The following SCUBE3 variants were observed in gnomAD, a reference collection of about 807,000 sequenced individuals.
The protein encoded by SCUBE3 is signal peptide, CUB and EGF-like domain-containing protein 3.
SCUBE3 carries 33 observed loss-of-function variants against 116.8 expected under a neutral mutation model. That is an observed-to-expected ratio of 0.28 (90% CI 0.21 to 0.38). SCUBE3 has a LOEUF of 0.38. Among genes scored for constraint, SCUBE3 ranks in the 10% least tolerant of loss-of-function variants. The probability of loss-of-function intolerance (pLI) is 1.00; values close to 1 mark genes in which losing one functional copy is unlikely to be tolerated. For missense variants in SCUBE3, 1,007 were observed against 1,324.8 expected, an observed-to-expected ratio of 0.76 and a Z score of 3.72; for synonymous variants, 418 against 496.9, an observed-to-expected ratio of 0.84 and a Z score of 2.11.
chr6:35,233,327 G>T lies in SCUBE3; in HGVS notation c.712+26G>T. On this transcript the variant is annotated intron_variant, in intron 6 of 21. Coordinates refer to ENST00000274938, the MANE Select transcript of SCUBE3 (RefSeq NM_152753.4). This position sits in a 1 kb window ranked among gnomAD's most constrained non-coding sequence, Gnocchi z 5.7. The stretch of plus-strand genomic sequence containing the variant: ...GTGGGTGAGGCCAGGGGAGAACTCA[G>T]TCCACCTGAGATGGGGTGGGGGTGG... 7.4e-7 allele frequency: 1 copy of T among 1,354,964 alleles called. No individual in the cohort carries two copies. The highest frequency in any genetic ancestry group is 1.1e-6 in the Non-Finnish European group (1 of 944,784). The allele number at this position is 1,354,964 out of a possible 1,614,324, so 83.9% of individuals were successfully genotyped here. A position where few individuals can be genotyped will look rare whatever the true frequency, so the allele number is the denominator to read the frequency against.
rs1037901102 is a variant in SCUBE3, at chr6:35,249,911, G to A, written c.*1206G>A. 3 of 152,686 alleles carry A rather than the reference G, an allele frequency of 2.0e-5. No individual in the cohort carries two copies. Among genetic ancestry groups the A allele is most frequent in the Non-Finnish European group, 4.4e-5 (3 of 68,084 alleles). 9.5% of individuals were successfully genotyped at this position (152,686 alleles called of 1,614,324 possible). ...TTGAGTCTTTCTATGTTGTCTAGAC[G>A]GAGGGGTTTTTGTTTTCTGGGTTTG... On this transcript the variant is annotated 3_prime_UTR_variant, in exon 22 of 22. Transcript: ENST00000274938.
rs1326019352 is a variant in SCUBE3, at chr6:35,249,057, T to C, written c.*352T>C. ...AGCTTGGAAGGGTGCTAGAGGCCCA[T>C]CAAGGAAGTGGGTCTGGTGGGAAAC... On this transcript the variant is annotated 3_prime_UTR_variant, in exon 22 of 22. Coordinates refer to ENST00000274938, the MANE Select transcript of SCUBE3 (RefSeq NM_152753.4). The C allele has an allele frequency of 2.0e-5, 4 of 196,852 alleles. No individual in the cohort carries two copies. Among genetic ancestry groups the C allele is most frequent in the South Asian group, 1.3e-4 (1 of 7,996 alleles). The allele number at this position is 196,852 out of a possible 1,614,324, so 12.2% of individuals were successfully genotyped here.
rs1009581916 is a variant in SCUBE3, at chr6:35,250,059, G to C, written c.*1354G>C. The C allele has an allele frequency of 6.6e-6, 1 of 152,626 alleles. No homozygotes were observed. Among genetic ancestry groups the C allele is most frequent in the African/African-American group, 2.4e-5 (1 of 41,450 alleles). 9.5% of individuals were successfully genotyped at this position (152,626 alleles called of 1,614,324 possible). A position where few individuals can be genotyped will look rare whatever the true frequency, so the allele number is the denominator to read the frequency against. ...TGAATCTCATGAACCTTGAGTGCTG[G>C]AGCATCTGATCTGTCTCTATGCCAC... On this transcript the variant is annotated 3_prime_UTR_variant, in exon 22 of 22. Transcript: ENST00000274938.
chr6:35,230,511 A>G (rs941109039), intron 3 of SCUBE3, among the ~76,000 whole-genome samples: 3 of 152,220 alleles, frequency 2.0e-5, no homozygotes, highest in African/African-American at 7.2e-5. Flanking sequence ...AATTGGAGGA[A>G]AGAGCTTGGC....
In SCUBE3 at chr6:35,239,340, G is replaced by C. The variant is rs1581937523; in HGVS notation, c.830-412G>C. The stretch of plus-strand genomic sequence containing the variant: ...CCGCACCCCCCCAACCCCCCGTCCT[G>C]AGGGACAGGAAAGAGATAACCCTTA... On this transcript the variant is annotated intron_variant, in intron 7 of 21. Coordinates refer to ENST00000274938, the MANE Select transcript of SCUBE3 (RefSeq NM_152753.4). This position sits in a 1 kb window ranked among gnomAD's most constrained non-coding sequence, Gnocchi z 4.1. Among the ~76,000 whole-genome samples, 1 of 141,948 alleles carries C rather than the reference G, an allele frequency of 7.0e-6. No homozygotes were observed. The highest frequency in any genetic ancestry group is 7.2e-5 in the Admixed American group (1 of 13,808). 93.1% of individuals were successfully genotyped at this position (141,948 alleles called of 152,430 possible).
chr6:35,244,502 C>T lies in SCUBE3; in HGVS notation c.2240-148C>T. The T allele has an allele frequency of 1.4e-6, 1 of 731,240 alleles. No homozygotes were observed. 45.3% of individuals were successfully genotyped at this position (731,240 alleles called of 1,614,324 possible). A position where few individuals can be genotyped will look rare whatever the true frequency, so the allele number is the denominator to read the frequency against. ...GTTTTTCCGTGGGCTTAAATTCTGG[C>T]ATGACTGGGAAAGATTGAGACCCTA... is the stretch of plus-strand genomic sequence containing the variant. On this transcript the variant is annotated intron_variant, in intron 17 of 21. Transcript: ENST00000274938. The surrounding 1 kb of genome is among the most constrained non-coding windows in gnomAD (Gnocchi z 4.3).
In SCUBE3 at chr6:35,251,915, C is replaced by T. The variant is rs1244583156; in HGVS notation, c.*3210C>T. 1.3e-5 allele frequency: 2 copies of T among 152,162 alleles called. No homozygotes were observed. The highest frequency in any genetic ancestry group is 6.6e-5 in the Admixed American group (1 of 15,262). 9.4% of individuals were successfully genotyped at this position (152,162 alleles called of 1,614,324 possible). On this transcript the variant is annotated 3_prime_UTR_variant, in exon 22 of 22. Transcript: ENST00000274938. ...AGGTCAGACAGAAGAGAGGTTTTTA[C>T]CATTGGAGGGAAATGGAAAGATGGT...
Position 35,250,607 on chromosome 6 carries a change from T to A in SCUBE3, c.*1902T>A, listed in dbSNP as rs1784517805. ...AAGCCTGCACACATTCTGCCCTTAA[T>A]CCAAGTGTTGCCTATAAAATTATTT... On this transcript the variant is annotated 3_prime_UTR_variant, in exon 22 of 22. Transcript: ENST00000274938. The A allele has an allele frequency of 6.6e-6, 1 of 152,152 alleles. No homozygotes were observed. The highest frequency in any genetic ancestry group is 2.1e-4 in the South Asian group (1 of 4,820). 9.4% of individuals were successfully genotyped at this position (152,152 alleles called of 1,614,324 possible). A position where few individuals can be genotyped will look rare whatever the true frequency, so the allele number is the denominator to read the frequency against.
rs1321359751 is a variant in SCUBE3 at position 35,244,018 on chromosome 6, C to A, written c.2127C>A (p.Cys709Ter). The A allele has an allele frequency of 6.2e-7, 1 of 1,614,050 alleles. No homozygotes were observed. The part of the protein sequence containing the change: ...SVDGFKPCQP[C>*]PRGTYQPEAG... Reference sequence around the variant, plus strand: ...ATGGGTTCAAGCCCTGTCAGCCATGCCCACGTGGCACCTACCAACCTGAAG... The same window carrying A: ...ATGGGTTCAAGCCCTGTCAGCCATGACCACGTGGCACCTACCAACCTGAAG... Residue 709 changes from cysteine to a stop codon, truncating the protein, a stop_gained, in exon 17 of 22, where the codon TGC becomes TGA. Transcript: ENST00000274938. LOFTEE classifies it high-confidence loss of function. The surrounding 1 kb of genome is among the most constrained non-coding windows in gnomAD (Gnocchi z 4.3).
chr6:35,214,241 G>A lies in SCUBE3; in HGVS notation c.-178G>A, dbSNP rs1782791841. ...GACGTCCGGCCAGGAGGAGCCGGTA[G>A]CATCGGGAGCCTCGCGCCGAGGGCG... On this transcript the variant is annotated 5_prime_UTR_variant, in exon 1 of 22. Transcript: ENST00000274938. The surrounding 1 kb of genome is among the most constrained non-coding windows in gnomAD (Gnocchi z 6.3). Among the ~76,000 whole-genome samples, 1 of 152,138 alleles carries A rather than the reference G, an allele frequency of 6.6e-6. No homozygotes were observed. Among genetic ancestry groups the A allele is most frequent in the Non-Finnish European group, 1.5e-5 (1 of 68,006 alleles).
Position 35,250,046 on chromosome 6 carries a change from A to G in SCUBE3, c.*1341A>G, listed in dbSNP as rs1239601455. Reference sequence around the variant, plus strand: ...AGAAAATCGGTTTTGAATCTCATGAACCTTGAGTGCTGGAGCATCTGATCT... The same window carrying G: ...AGAAAATCGGTTTTGAATCTCATGAGCCTTGAGTGCTGGAGCATCTGATCT... On this transcript the variant is annotated 3_prime_UTR_variant, in exon 22 of 22. Transcript: ENST00000274938. The G allele has an allele frequency of 6.6e-6, 1 of 152,554 alleles. No homozygotes were observed. Among genetic ancestry groups the G allele is most frequent in the Non-Finnish European group, 1.5e-5 (1 of 68,044 alleles). The allele number at this position is 152,554 out of a possible 1,614,324, so 9.5% of individuals were successfully genotyped here.
Position 35,246,293 on chromosome 6 carries a change from A to G in SCUBE3, c.2832+8A>G, listed in dbSNP as rs775404895. 4.4e-6 allele frequency: 7 copies of G among 1,574,904 alleles called. No homozygotes were observed. In the African/African-American group the frequency reaches 6.7e-5, roughly 15 times the overall value. ...CACCAGGAGATTTTAAAGGTGAATGAATATTAACAATAATGATAGCTAACA... is the reference window on the plus strand; with the variant it reads ...CACCAGGAGATTTTAAAGGTGAATGGATATTAACAATAATGATAGCTAACA... On this transcript the variant is annotated splice_region_variant and intron_variant, in intron 21 of 21. Transcript: ENST00000274938.
chr6:35,214,563 G>T lies in SCUBE3; in HGVS notation c.85+60G>T. On this transcript the variant is annotated intron_variant, in intron 1 of 21. Coordinates refer to ENST00000274938, the MANE Select transcript of SCUBE3 (RefSeq NM_152753.4). This position sits in a 1 kb window ranked among gnomAD's most constrained non-coding sequence, Gnocchi z 6.3. Reference sequence around the variant, plus strand: ...CCTGGCTGCTGGGCCTCAGGGCCTAGGAGCGATTCCCGAGGGGCAGGGCAG... The same window carrying T: ...CCTGGCTGCTGGGCCTCAGGGCCTATGAGCGATTCCCGAGGGGCAGGGCAG... The T allele has an allele frequency of 8.8e-7, 1 of 1,136,760 alleles. No individual in the cohort carries two copies. The allele number at this position is 1,136,760 out of a possible 1,614,324, so 70.4% of individuals were successfully genotyped here. A position where few individuals can be genotyped will look rare whatever the true frequency, so the allele number is the denominator to read the frequency against.
rs1783627124 is a variant in SCUBE3 at position 35,233,329 on chromosome 6, C to A, written c.712+28C>A. On this transcript the variant is annotated intron_variant, in intron 6 of 21. Transcript: ENST00000274938. The surrounding 1 kb of genome is among the most constrained non-coding windows in gnomAD (Gnocchi z 5.7). The stretch of plus-strand genomic sequence containing the variant: ...GGGTGAGGCCAGGGGAGAACTCAGT[C>A]CACCTGAGATGGGGTGGGGGTGGGA... 1 of 1,359,318 alleles carries A rather than the reference C, an allele frequency of 7.4e-7. No homozygotes were observed. The highest frequency in any genetic ancestry group is 1.1e-6 in the Non-Finnish European group (1 of 949,084). The allele number at this position is 1,359,318 out of a possible 1,614,324, so 84.2% of individuals were successfully genotyped here. A position where few individuals can be genotyped will look rare whatever the true frequency, so the allele number is the denominator to read the frequency against.
In SCUBE3 at chr6:35,237,990, G is replaced by A. The variant is rs1783850920; in HGVS notation, c.801G>A (p.Met267Ile). 1 of 1,608,548 alleles carries A rather than the reference G, an allele frequency of 6.2e-7. No homozygotes were observed. The highest frequency in any genetic ancestry group is 8.5e-7 in the Non-Finnish European group (1 of 1,175,254). Residue 267 changes from methionine to isoleucine, a missense_variant, in exon 7 of 22, where the codon ATG becomes ATA. By Grantham distance (10) the Met-to-Ile change is conservative. Around this residue, in one of 5 missense-constraint regions of SCUBE3, gnomAD observed 214 missense variants for 316.7 expected, o/e 0.68. Coordinates refer to ENST00000274938, the MANE Select transcript of SCUBE3 (RefSeq NM_152753.4). ...ACTGCACCTGCCCTGTGGGCTTCAT[G>A]CTGCAGCCAGACAGGAAGACGTGCA... ...GVHCTCPVGFMLQPDRKTCKD... is the reference protein window; with the variant it reads ...GVHCTCPVGFILQPDRKTCKD...
chr6:35,245,270 T>C lies in SCUBE3; in HGVS notation c.2444T>C (p.Ile815Thr), dbSNP rs751478115. ...GGELGEFTGY[I>T]ESPNYPGNYP... ...GAGCTGGGTGAGTTCACTGGCTATA[T>C]TGAGTCCCCCAACTACCCGGGCAAC... Residue 815 changes from isoleucine (I) to threonine (T), a missense_variant, in exon 19 of 22, where the codon ATT becomes ACT. Ile to Thr is a moderately conservative substitution (Grantham distance 89). This residue lies in a region of SCUBE3 where 544 missense variants were observed against 638.9 expected (regional missense o/e 0.85). Coordinates refer to ENST00000274938, the MANE Select transcript of SCUBE3 (RefSeq NM_152753.4). The surrounding 1 kb of genome is among the most constrained non-coding windows in gnomAD (Gnocchi z 4.2). The C allele has an allele frequency of 2.4e-5, 38 of 1,614,148 alleles. No homozygotes were observed. Among genetic ancestry groups the C allele is most frequent in the Non-Finnish European group, 2.8e-5 (33 of 1,180,040 alleles).
chr6:35,240,563 T>C lies in SCUBE3; in HGVS notation c.1069+73T>C. 2.9e-6 allele frequency: 2 copies of C among 701,348 alleles called. No homozygotes were observed. Among genetic ancestry groups the C allele is most frequent in the Non-Finnish European group, 4.9e-6 (2 of 411,398 alleles). 43.4% of individuals were successfully genotyped at this position (701,348 alleles called of 1,614,324 possible). On this transcript the variant is annotated intron_variant, in intron 9 of 21. Coordinates refer to ENST00000274938, the MANE Select transcript of SCUBE3 (RefSeq NM_152753.4). The surrounding 1 kb of genome is among the most constrained non-coding windows in gnomAD (Gnocchi z 4.6). Reference sequence around the variant, plus strand: ...TTCACCCTCCAATTGAACAGGTCCTTGTGTTGGCTTGTGGCTATGGGCAAT... The same window carrying C: ...TTCACCCTCCAATTGAACAGGTCCTCGTGTTGGCTTGTGGCTATGGGCAAT...
intron 1 of SCUBE3, chr6:35,221,772 A>G (rs1292008013): frequency 6.6e-6 from 1 of 152,216 alleles, no homozygotes; most frequent in East Asian, 1.9e-4. Context: ...CACATGAACT[A>G]AAAGTTAAAT....
At position 35,252,909 on chromosome 6, in the gene SCUBE3, C is replaced by T. The variant is rs1784602134; in HGVS notation, c.*4204C>T. On this transcript the variant is annotated 3_prime_UTR_variant, in exon 22 of 22. Coordinates refer to ENST00000274938, the MANE Select transcript of SCUBE3 (RefSeq NM_152753.4). ...ATATTGTATTTATATCTGCCTTCCA[C>T]TGCTGCCAATTTAGTAAGCATCTCC... The T allele has an allele frequency of 6.6e-6, 1 of 152,222 alleles. No individual in the cohort carries two copies. The highest frequency in any genetic ancestry group is 1.5e-5 in the Non-Finnish European group (1 of 68,044). 9.4% of individuals were successfully genotyped at this position (152,222 alleles called of 1,614,324 possible).
Sources: gnomAD v4.1 joint callset for allele counts (sites outside exome capture counted in the v4.1 genomes callset) on GRCh38, gnomAD v4.1.1 for gene constraint, gnomAD v4.1.1 regional missense constraint, Gnocchi (gnomAD v3.1) non-coding constraint, MANE v1.5 for transcripts, NCBI Gene and HGNC (gene_info 2026-07-23, HGNC 2026-07-21) for gene names.